The following OSBPL2 variants were observed in gnomAD, a reference collection of about 807,000 sequenced individuals.
The protein encoded by OSBPL2 is oxysterol-binding protein-related protein 2.
OSBPL2 carries 18 observed loss-of-function variants against 58.4 expected under a neutral mutation model. The ratio of observed to expected loss-of-function variants is 0.31; its 90% CI spans 0.21 to 0.46. OSBPL2 has a LOEUF of 0.46. Ranked by LOEUF, OSBPL2 falls within the 20% of genes least tolerant of loss-of-function variation. The pLI, the probability that OSBPL2 is intolerant of heterozygous loss-of-function variation, is 1.00. For missense variants in OSBPL2, 461 were observed against 616.5 expected (o/e 0.75, Z 2.67); for synonymous variants, 221 against 234.1 (o/e 0.94, Z 0.51).
intron 2 of OSBPL2, 115 bp from the exon 3 acceptor site, chr20:62,259,866 C>A: frequency 1.1e-6 from 1 of 899,374 alleles, no homozygotes; most frequent in Non-Finnish European, 1.7e-6. Flanking sequence ...CAAATGTGTC[C>A]GTTCACACAA....
chr20:62,292,852 A>T lies in OSBPL2; in HGVS notation c.1341-933A>T, dbSNP rs1983608569. 2.0e-5 allele frequency among the ~76,000 whole-genome samples: 3 copies of T among 151,768 alleles called. No individual in the cohort carries two copies. In the South Asian group the frequency reaches 6.2e-4, roughly 32 times the overall value. On this transcript the variant is annotated intron_variant, in intron 13 of 13. Transcript: ENST00000313733. ...GGAATTTGCCCTTAATCCAGAGAAAAATCAGCTTCAAAATAGTTAACCTTT... is the reference window on the plus strand; with the variant it reads ...GGAATTTGCCCTTAATCCAGAGAAATATCAGCTTCAAAATAGTTAACCTTT...
At chr20:62,244,530 T>C (rs1392635814) in intron 1 of OSBPL2, among the ~76,000 whole-genome samples, 3 of 152,260 alleles carry the variant, frequency 2.0e-5, no homozygotes, top group Admixed American at 6.5e-5. Flanking sequence ...AACAGCTTTT[T>C]ATTGTGTTGC....
intron 2 of OSBPL2, among the ~76,000 whole-genome samples, chr20:62,258,133 C>T (rs1207507218): frequency 2.0e-5 from 3 of 152,138 alleles, no homozygotes; most frequent in Admixed American, 6.6e-5. Flanking sequence ...GGCTGTGGGG[C>T]GTTGCTCCTG....
intron 4 of OSBPL2, among the ~76,000 whole-genome samples, chr20:62,271,476 G>T (rs1684064572): frequency 6.6e-6 from 1 of 152,138 alleles, no homozygotes; most frequent in African/African-American, 2.4e-5. Flanking sequence ...TTTTGAGACG[G>T]AGTCTGGCTC....
intron 6 of OSBPL2, among the ~76,000 whole-genome samples, chr20:62,273,912 G>A (rs1568843167): frequency 6.6e-6 from 1 of 152,204 alleles, no homozygotes; most frequent in Non-Finnish European, 1.5e-5. Flanking sequence ...GGGTCAGACG[G>A]CTCTGGCCAA....
chr20:62,239,229 C>T (rs1979555798), intron 1 of OSBPL2, among the ~76,000 whole-genome samples: 1 of 152,246 alleles, frequency 6.6e-6, no homozygotes, highest in African/African-American at 2.4e-5. Flanking sequence ...ATTTATAAAT[C>T]TTAGCAGACT....
chr20:62,241,129 T>A (rs1258024913), intron 1 of OSBPL2, among the ~76,000 whole-genome samples: 1 of 152,150 alleles, frequency 6.6e-6, no homozygotes, highest in Non-Finnish European at 1.5e-5. Context: ...CATCCCAGTG[T>A]CTCTCCTCTG....
At chr20:62,256,977 G>T (rs1231558925) in intron 2 of OSBPL2, among the ~76,000 whole-genome samples, 1 of 152,270 alleles carries the variant, frequency 6.6e-6, no homozygotes, top group Non-Finnish European at 1.5e-5. Flanking sequence ...ATTGCTGGTG[G>T]GAAGGGGCAT....
intron 1 of OSBPL2, among the ~76,000 whole-genome samples, chr20:62,254,430 G>A (rs1057450644): frequency 1.7e-4 from 26 of 152,264 alleles, no homozygotes; most frequent in Admixed American, 1.5e-3. Flanking sequence ...AACTTCTCCC[G>A]TCTGCAAGGG....
intron 1 of OSBPL2, among the ~76,000 whole-genome samples, chr20:62,248,141 T>C (rs938851625): frequency 1.2e-4 from 15 of 125,766 alleles, no homozygotes; most frequent in Non-Finnish European, 1.7e-4. Context: ...TTTTTTTCTT[T>C]TTTCTTTTCT....
rs779385236 is a variant in OSBPL2 at position 62,256,208 on chromosome 20, T to C, written c.24T>C (p.Phe8=). 1.9e-6 allele frequency: 3 copies of C among 1,613,892 alleles called. No individual in the cohort carries two copies. The South Asian group carries it at 3.3e-5, about 18-fold the overall frequency. Residue 8 remains phenylalanine, a synonymous_variant, in exon 2 of 14, where the codon TTT becomes TTC. Coordinates refer to ENST00000313733, the MANE Select transcript of OSBPL2 (RefSeq NM_144498.4). The part of the protein sequence containing the change: MNGEEEF[F]DAVTGFDSDN... ...GGATGAACGGAGAGGAAGAATTCTT[T>C]GATGCCGTCACAGGTGAGTCAAAAG...
At chr20:62,264,428 T>C (rs1454694190) in intron 4 of OSBPL2, among the ~76,000 whole-genome samples, 1 of 151,884 alleles carries the variant, frequency 6.6e-6, no homozygotes, top group Non-Finnish European at 1.5e-5. Flanking sequence ...GGGCGGGGAG[T>C]GTCCCGTGCC....
chr20:62,249,670 G>A (rs1224583013), intron 1 of OSBPL2, among the ~76,000 whole-genome samples: 1 of 152,212 alleles, frequency 6.6e-6, no homozygotes, highest in Non-Finnish European at 1.5e-5. Flanking sequence ...CGCCTCCCAG[G>A]TTCAAGCAAT....
At chr20:62,240,232 G>A (rs928150705) in intron 1 of OSBPL2, among the ~76,000 whole-genome samples, 1 of 152,168 alleles carries the variant, frequency 6.6e-6, no homozygotes, top group African/African-American at 2.4e-5. Context: ...GTTGAGGACA[G>A]GAACTTTGTC....
chr20:62,256,103 C>G lies in OSBPL2; in HGVS notation c.-82C>G. On this transcript the variant is annotated 5_prime_UTR_variant, in exon 2 of 14. Coordinates refer to ENST00000313733, the MANE Select transcript of OSBPL2 (RefSeq NM_144498.4). The stretch of plus-strand genomic sequence containing the variant: ...TTTCCAAGAGAAAGTTTGTAAAATT[C>G]CTTACACTGTAGATGTGGATCAGAT... 1 of 1,508,066 alleles carries G rather than the reference C, an allele frequency of 6.6e-7. No homozygotes were observed. Among genetic ancestry groups the G allele is most frequent in the Non-Finnish European group, 9.1e-7 (1 of 1,098,536 alleles). 93.4% of individuals were successfully genotyped at this position (1,508,066 alleles called of 1,614,324 possible). A position where few individuals can be genotyped will look rare whatever the true frequency, so the allele number is the denominator to read the frequency against.
At position 62,283,650 on chromosome 20, in the gene OSBPL2, G is replaced by A. The variant is rs191070853; in HGVS notation, c.873-396G>A. On this transcript the variant is annotated intron_variant, in intron 9 of 13. Transcript: ENST00000313733. ...AGTGTGTTGAAAATGATCAGTGGGC[G>A]CATGCAGCTTTACATTTTAAAACGC... Among the ~76,000 whole-genome samples, 16 of 152,266 alleles carry A rather than the reference G, an allele frequency of 1.1e-4. No individual in the cohort carries two copies. In the East Asian group the frequency reaches 2.9e-3, roughly 28 times the overall value.
chr20:62,281,235 G>A (rs1241616426), intron 8 of OSBPL2, 70 bp downstream of exon 8: 4 of 1,126,784 alleles, frequency 3.5e-6, no homozygotes, highest in Admixed American at 1.7e-5. Context: ...GGGAGCGTGA[G>A]CATCCGTGCT....
At chr20:62,276,062 G>A (rs903506572) in intron 6 of OSBPL2, among the ~76,000 whole-genome samples, 3 of 152,050 alleles carry the variant, frequency 2.0e-5, no homozygotes, top group African/African-American at 4.8e-5. Context: ...GATTACAGGT[G>A]CACGCCACCA....
chr20:62,289,154 G>T, intron 11 of OSBPL2, 53 bp from the exon 12 acceptor site: 1 of 1,601,754 alleles, frequency 6.2e-7, no homozygotes. Context: ...TTGGAGCATA[G>T]TCCATGGTTC....
Sources: allele counts gnomAD v4.1 joint callset (sites outside exome capture counted in the v4.1 genomes callset), GRCh38; gene constraint gnomAD v4.1.1; transcripts MANE v1.5; gene names NCBI Gene and HGNC (gene_info 2026-07-23, HGNC 2026-07-21).